The following MRPL13 variants were observed in gnomAD, a reference collection of about 807,000 sequenced individuals.
MRPL13 encodes large ribosomal subunit protein uL13m.
A neutral mutation model predicts 29.0 loss-of-function variants in MRPL13; 33 were observed. That is an observed-to-expected ratio of 1.14 (90% CI 0.86 to 1.52). The LOEUF (loss-of-function observed/expected upper bound fraction) is 1.52, where lower values mean the gene tolerates loss of function less well. MRPL13 is among the 40% of genes most tolerant of loss of function. The probability of loss-of-function intolerance (pLI) is 0.00; values close to 1 mark genes in which losing one functional copy is unlikely to be tolerated. For missense variants in MRPL13, 227 were observed against 216.7 expected, an observed-to-expected ratio of 1.05 and a Z score of -0.30; for synonymous variants, 77 against 68.4, an observed-to-expected ratio of 1.13 and a Z score of -0.62.
intron 6 of MRPL13, among the ~76,000 whole-genome samples, chr8:120,404,243 C>G (rs1222080652): frequency 6.6e-6 from 1 of 152,178 alleles, no homozygotes; most frequent in Non-Finnish European, 1.5e-5. Flanking sequence ...TAATGCCCCA[C>G]AAGAAGTCTG....
chr8:120,421,089 A>C (rs1405339136), intron 4 of MRPL13, among the ~76,000 whole-genome samples: 1 of 151,926 alleles, frequency 6.6e-6, no homozygotes. Context: ...AAAGTAAAAA[A>C]AATAGAATAA....
At position 120,396,117 on chromosome 8, in the gene MRPL13, T is replaced by A. The variant is rs1812520139; in HGVS notation, c.524A>T (p.Asp175Val). 5 of 1,586,646 alleles carry A rather than the reference T, an allele frequency of 3.2e-6. No homozygotes were observed. In the East Asian group the frequency reaches 1.1e-4, roughly 36 times the overall value. Residue 175 changes from aspartate (D) to valine (V), a missense_variant, in exon 7 of 7, where the codon GAT (aspartate) becomes GTT (valine). By Grantham distance (152) the Asp-to-Val change is radical. Transcript: ENST00000306185. Reference protein sequence around the residue: ...AFPRLWTPPEDYRL With the variant: ...AFPRLWTPPEVYRL ...ATTCTTATTCTCTTATAGCCGATAA[T>A]CTTCAGGTCTGAAAGAAAAAATCAA...
intron 5 of MRPL13, among the ~76,000 whole-genome samples, chr8:120,418,703 T>C (rs1812834248): frequency 6.6e-6 from 1 of 152,084 alleles, no homozygotes; most frequent in Admixed American, 6.6e-5. Context: ...TTTTAGAAAT[T>C]ATGGTTTCTA....
intron 5 of MRPL13, chr8:120,415,560 A>G (rs992335254): frequency 6.6e-6 from 1 of 152,210 alleles, no homozygotes; most frequent in Admixed American, 6.5e-5. Flanking sequence ...CAAAATATTT[A>G]TAATATTTTA....
intron 6 of MRPL13, among the ~76,000 whole-genome samples, chr8:120,402,626 A>G (rs1812611511): frequency 6.6e-6 from 1 of 152,226 alleles, no homozygotes; most frequent in African/African-American, 2.4e-5. Flanking sequence ...AGCAATTACA[A>G]CAAAAGCATA....
In MRPL13 at chr8:120,396,068, A is replaced by G; in HGVS notation, c.*36T>C. On this transcript the variant is annotated 3_prime_UTR_variant, in exon 7 of 7. Transcript: ENST00000306185. ...AGAAACTCATCAGAAGAAAGTTTCA[A>G]TCACTTCACTGTTATTTTCTGCAAT... 6.4e-7 allele frequency: 1 copy of G among 1,559,276 alleles called. No individual in the cohort carries two copies. The highest frequency in any genetic ancestry group is 8.8e-7 in the Non-Finnish European group (1 of 1,142,652).
Position 120,429,063 on chromosome 8 carries a change from C to G in MRPL13, c.245+2967G>C, listed in dbSNP as rs987443205. Reference sequence around the variant, plus strand: ...ATCCACATGTGTGTTCACTGCAGCACTATTCATTATAGTAAAGACATGGAA... The same window carrying G: ...ATCCACATGTGTGTTCACTGCAGCAGTATTCATTATAGTAAAGACATGGAA... On this transcript the variant is annotated intron_variant, in intron 3 of 6. Transcript: ENST00000306185. 2.1e-4 allele frequency among the ~76,000 whole-genome samples: 32 copies of G among 152,032 alleles called. 1 individual carries two copies. Among genetic ancestry groups the G allele is most frequent in the Admixed American group, 5.2e-4 (8 of 15,264 alleles).
chr8:120,439,721 T>C (rs530053293), intron 2 of MRPL13, among the ~76,000 whole-genome samples: 3 of 152,330 alleles, frequency 2.0e-5, no homozygotes, highest in African/African-American at 7.2e-5. Context: ...CAGATTCATA[T>C]TCTATACTCA....
At chr8:120,398,615 C>A (rs1380356090) in intron 6 of MRPL13, among the ~76,000 whole-genome samples, 3 of 152,286 alleles carry the variant, frequency 2.0e-5, no homozygotes, top group Non-Finnish European at 4.4e-5. Context: ...GACAGCAACA[C>A]CTCTCCAGCA....
At chr8:120,430,428 C>T (rs775867610) in intron 3 of MRPL13, among the ~76,000 whole-genome samples, 2 of 152,024 alleles carry the variant, frequency 1.3e-5, no homozygotes, top group Non-Finnish European at 2.9e-5. Flanking sequence ...AAAAATTTTA[C>T]AACTAGCAAG....
rs1455020489 is a variant in MRPL13, at chr8:120,426,775, T to A, written c.246-1409A>T. On this transcript the variant is annotated intron_variant, in intron 3 of 6. Transcript: ENST00000306185. ...TTAAATGCTAGCCAAGGGTTTTTCATTGAAATTAATTCAATAAACACTTAA... is the reference window on the plus strand; with the variant it reads ...TTAAATGCTAGCCAAGGGTTTTTCAATGAAATTAATTCAATAAACACTTAA... Among the ~76,000 whole-genome samples the A allele has an allele frequency of 2.0e-5, 3 of 152,152 alleles. No homozygotes were observed. In the East Asian group the frequency reaches 5.8e-4, roughly 29 times the overall value.
intron 2 of MRPL13, among the ~76,000 whole-genome samples, chr8:120,437,294 T>A (rs1813065364): frequency 6.6e-6 from 1 of 152,184 alleles, no homozygotes; most frequent in African/African-American, 2.4e-5. Flanking sequence ...AGATCATAAA[T>A]CTGATCTCTG....
chr8:120,443,617 CTTT>C (rs80023422), intron 1 of MRPL13, among the ~76,000 whole-genome samples: 1 of 137,182 alleles, frequency 7.3e-6, no homozygotes, highest in Non-Finnish European at 1.6e-5. Flanking sequence ...TACGGTATGA[CTTT>C]TTTTTTTTTT....
chr8:120,425,235 A>G, intron 4 of MRPL13, 71 bp downstream of exon 4: 1 of 1,167,518 alleles, frequency 8.6e-7, no homozygotes, highest in Non-Finnish European at 1.3e-6. Context: ...AATAATGAGA[A>G]GGGAGACTGA....
rs12334646 is a variant in MRPL13, at chr8:120,410,598, G to A, written c.515+3393C>T. Among the ~76,000 whole-genome samples, 248 of 152,202 alleles carry A rather than the reference G, an allele frequency of 1.6e-3. 2 individuals are homozygous for A. The highest frequency in any genetic ancestry group is 5.0e-3 in the South Asian group (24 of 4,824). On this transcript the variant is annotated intron_variant, in intron 6 of 6. Transcript: ENST00000306185. ...TAGACACTAGCCATATGAAGGTAGC[G>A]TAATTTTATTCACTAACACGTAATT...
intron 3 of MRPL13, among the ~76,000 whole-genome samples, chr8:120,428,480 A>G (rs1017495152): frequency 1.2e-4 from 18 of 152,222 alleles, no homozygotes; most frequent in African/African-American, 4.3e-4. Flanking sequence ...CAACAAAAGC[A>G]TAAATTGACA....
intron 6 of MRPL13, among the ~76,000 whole-genome samples, chr8:120,401,152 G>T (rs1812591905): frequency 6.6e-6 from 1 of 152,152 alleles, no homozygotes; most frequent in Non-Finnish European, 1.5e-5. Flanking sequence ...CTTATTTTAT[G>T]AGGCCAGCAT....
At chr8:120,398,944 C>T (rs1449453027) in intron 6 of MRPL13, among the ~76,000 whole-genome samples, 3 of 151,982 alleles carry the variant, frequency 2.0e-5, no homozygotes, top group Admixed American at 6.6e-5. Flanking sequence ...CAAACACACA[C>T]ACACACACAC....
intron 3 of MRPL13, among the ~76,000 whole-genome samples, chr8:120,431,324 T>C (rs538787796): frequency 1.3e-5 from 2 of 152,182 alleles, no homozygotes; most frequent in South Asian, 4.1e-4. Flanking sequence ...ATGGGTTAAC[T>C]AATACATGAG....
Sources: gnomAD v4.1 joint callset for allele counts (sites outside exome capture counted in the v4.1 genomes callset) on GRCh38, gnomAD v4.1.1 for gene constraint, MANE v1.5 for transcripts, NCBI Gene and HGNC (gene_info 2026-07-23, HGNC 2026-07-21) for gene names.